The following PDE4D variants were observed in gnomAD, a reference collection of about 807,000 sequenced individuals.
PDE4D encodes the protein 3',5'-cyclic-AMP phosphodiesterase 4D.
Under a neutral mutation model 87.4 loss-of-function variants are expected in PDE4D, and 24 were observed. That is an observed-to-expected ratio of 0.27 (90% CI 0.20 to 0.39). PDE4D has a LOEUF of 0.39. PDE4D is among the 10% of genes least tolerant of loss of function. PDE4D has a pLI of 1.00. For synonymous variants in PDE4D, 384 were observed against 383.2 expected (o/e 1.00, Z -0.02); for missense variants, 714 against 1,041.0 (o/e 0.69, Z 4.32).
intron 2 of PDE4D, among the ~76,000 whole-genome samples, chr5:60,057,523 C>A (rs931386360): frequency 3.3e-5 from 5 of 151,964 alleles, no homozygotes; most frequent in African/African-American, 1.2e-4. Context: ...CTGTCCCCAG[C>A]CCTGTAGAAC....
At chr5:59,940,145 C>T (rs1344768721) in intron 3 of PDE4D, among the ~76,000 whole-genome samples, 2 of 152,118 alleles carry the variant, frequency 1.3e-5, no homozygotes, top group African/African-American at 4.8e-5. Flanking sequence ...GGTGAGGAGG[C>T]TGTGCTTTAT....
chr5:59,986,797 G>T (rs1455290304), intron 3 of PDE4D: 1 of 152,120 alleles, frequency 6.6e-6, no homozygotes, highest in Non-Finnish European at 1.5e-5. Flanking sequence ...TGGAAATCTG[G>T]AAGTTTGTAT....
chr5:59,394,325 C>T (rs1346465302), intron 1 of PDE4D, among the ~76,000 whole-genome samples: 3 of 152,192 alleles, frequency 2.0e-5, no homozygotes, highest in Non-Finnish European at 4.4e-5. Context: ...AATCTCTATA[C>T]ATAATAGGCA....
intron 1 of PDE4D, among the ~76,000 whole-genome samples, chr5:59,523,133 T>G (rs970999818): frequency 1.3e-5 from 2 of 152,224 alleles, no homozygotes; most frequent in Admixed American, 6.5e-5. Context: ...TTCTCTTTTC[T>G]TCTTACCTTA....
At chr5:59,489,012 C>T (rs376379788) in intron 1 of PDE4D, among the ~76,000 whole-genome samples, 1 of 151,930 alleles carries the variant, frequency 6.6e-6, no homozygotes, top group Non-Finnish European at 1.5e-5. Context: ...GTTGGCCAGG[C>T]GTGACGGCTC....
At chr5:60,154,388 T>G (rs887205954) in intron 2 of PDE4D, among the ~76,000 whole-genome samples, 2 of 152,144 alleles carry the variant, frequency 1.3e-5, no homozygotes, top group African/African-American at 4.8e-5. Context: ...GCAATTCTCC[T>G]GCCTCAGCCT....
intron 2 of PDE4D, among the ~76,000 whole-genome samples, chr5:59,210,265 T>C (rs1749787905): frequency 6.6e-6 from 1 of 152,260 alleles, no homozygotes; most frequent in Admixed American, 6.5e-5. Context: ...ATTTATATTC[T>C]TCCTAGTGAG....
intron 1 of PDE4D, among the ~76,000 whole-genome samples, chr5:60,283,441 G>A (rs561443822): frequency 6.6e-6 from 1 of 152,212 alleles, no homozygotes; most frequent in South Asian, 2.1e-4. Context: ...ATCATTTGAT[G>A]TAATTCTGCA....
At chr5:59,375,138 A>T (rs1264971285) in intron 1 of PDE4D, among the ~76,000 whole-genome samples, 1 of 152,228 alleles carries the variant, frequency 6.6e-6, no homozygotes, top group African/African-American at 2.4e-5. Flanking sequence ...GAGAACCAAG[A>T]GCAAATAAAT....
intron 1 of PDE4D, among the ~76,000 whole-genome samples, chr5:59,278,136 A>T (rs955616321): frequency 2.6e-5 from 4 of 151,446 alleles, no homozygotes; most frequent in African/African-American, 4.9e-5. Context: ...GTGACAGAAT[A>T]AAAAAAAAGT....
intron 6 of PDE4D, among the ~76,000 whole-genome samples, chr5:59,010,270 T>G (rs540772448): frequency 6.6e-6 from 1 of 152,158 alleles, no homozygotes; most frequent in Non-Finnish European, 1.5e-5. Context: ...GAAGTTGCAG[T>G]GAGCTGAGAT....
At chr5:59,980,257 A>C (rs939420557) in intron 3 of PDE4D, among the ~76,000 whole-genome samples, 2 of 152,202 alleles carry the variant, frequency 1.3e-5, no homozygotes, top group African/African-American at 4.8e-5. Context: ...TGTTTGTTGC[A>C]AAGAAACTAT....
chr5:59,002,075 C>A (rs578142932), intron 6 of PDE4D: 1 of 516,122 alleles, frequency 1.9e-6, no homozygotes, highest in Non-Finnish European at 3.9e-6. Flanking sequence ...TTACCCCTCC[C>A]GTAATCTGAA....
intron 1 of PDE4D, 94 bp from the exon 2 acceptor site, chr5:59,216,062 GA>G (rs1467703278): frequency 1.0e-5 from 8 of 779,008 alleles, no homozygotes; most frequent in African/African-American, 1.8e-5. Context: ...ACTGACAGTG[GA>G]ATTAGCAGGA....
chr5:60,039,667 C>CT (rs1198806567), intron 2 of PDE4D, among the ~76,000 whole-genome samples: 5 of 152,020 alleles, frequency 3.3e-5, no homozygotes, highest in Non-Finnish European at 7.4e-5. Context: ...ACATCTGTGG[C>CT]TTTGAGACCA....
At chr5:59,999,257 C>T (rs1763802983) in intron 2 of PDE4D, among the ~76,000 whole-genome samples, 1 of 152,064 alleles carries the variant, frequency 6.6e-6, no homozygotes, top group African/African-American at 2.4e-5. Context: ...GAATGTATGT[C>T]CAATGTTCTG....
chr5:59,588,913 A>G (rs1825564386), intron 1 of PDE4D, among the ~76,000 whole-genome samples: 1 of 152,244 alleles, frequency 6.6e-6, no homozygotes, highest in Non-Finnish European at 1.5e-5. Flanking sequence ...CATTGTTTTT[A>G]ACAAGCTTTG....
At chr5:59,160,644 C>G (rs1342774603) in intron 5 of PDE4D, among the ~76,000 whole-genome samples, 1 of 152,034 alleles carries the variant, frequency 6.6e-6, no homozygotes, top group Non-Finnish European at 1.5e-5. Context: ...ACGCCTGCCC[C>G]CCAAGGTGAT....
intron 2 of PDE4D, among the ~76,000 whole-genome samples, chr5:60,155,490 TC>T (rs1781889029): frequency 6.6e-6 from 1 of 152,198 alleles, no homozygotes; most frequent in Non-Finnish European, 1.5e-5. Flanking sequence ...TGCATTCAAG[TC>T]TGGAGTTTTT....
Sources: gnomAD v4.1 joint callset for allele counts (sites outside exome capture counted in the v4.1 genomes callset) on GRCh38, gnomAD v4.1.1 for gene constraint, MANE v1.5 for transcripts, NCBI Gene and HGNC (gene_info 2026-07-23, HGNC 2026-07-21) for gene names.